PTPRG: variants seen among roughly 807,000 people sequenced by gnomAD.
The protein encoded by PTPRG is receptor-type tyrosine-protein phosphatase gamma.
In PTPRG, 102 loss-of-function variants were observed where a neutral mutation model predicts 165.3. The ratio of observed to expected loss-of-function variants is 0.62; its 90% CI spans 0.53 to 0.73. The LOEUF (loss-of-function observed/expected upper bound fraction) is 0.73. Ranked by LOEUF, PTPRG falls within the 30% of genes least tolerant of loss-of-function variation. The pLI, the probability that PTPRG is intolerant of heterozygous loss-of-function variation, is 0.00. For synonymous variants in PTPRG, 675 were observed against 669.5 expected, an observed-to-expected ratio of 1.01 and a Z score of -0.13; for missense variants, 1,866 against 1,861.4, an observed-to-expected ratio of 1.00 and a Z score of -0.05.
At chr3:61,739,501 A>G (rs1216748402) in intron 1 of PTPRG, among the ~76,000 whole-genome samples, 1 of 152,188 alleles carries the variant, frequency 6.6e-6, no homozygotes, top group Non-Finnish European at 1.5e-5. Flanking sequence ...AGATATTTTT[A>G]TGATGCCTAA....
chr3:61,576,943 G>T (rs1034902664), intron 1 of PTPRG, among the ~76,000 whole-genome samples: 1 of 152,194 alleles, frequency 6.6e-6, no homozygotes, highest in African/African-American at 2.4e-5. Context: ...TATGGCGCTT[G>T]TAGGAGTGTT....
intron 4 of PTPRG, among the ~76,000 whole-genome samples, chr3:62,043,341 T>A (rs138359133): frequency 6.6e-6 from 1 of 152,354 alleles, no homozygotes; most frequent in African/African-American, 2.4e-5. Flanking sequence ...CAAGACTTTT[T>A]AAATCAACAT....
At chr3:62,242,614 G>A (rs1701186258) in intron 14 of PTPRG, among the ~76,000 whole-genome samples, 2 of 152,162 alleles carry the variant, frequency 1.3e-5, no homozygotes, top group East Asian at 3.9e-4. Flanking sequence ...TAACTCTGTG[G>A]TCTCTTCACT....
chr3:61,849,113 C>T (rs866289803), intron 2 of PTPRG, among the ~76,000 whole-genome samples: 1 of 152,180 alleles, frequency 6.6e-6, no homozygotes, highest in Admixed American at 6.5e-5. Context: ...GGGAAACACT[C>T]CAAGTATTCC....
At chr3:61,644,882 A>T (rs1342863215) in intron 1 of PTPRG, among the ~76,000 whole-genome samples, 2 of 152,326 alleles carry the variant, frequency 1.3e-5, no homozygotes, top group South Asian at 2.1e-4. Context: ...CTTAAAGTCA[A>T]ATCCAACAAG....
At chr3:62,164,056 A>G (rs1180563838) in intron 7 of PTPRG, among the ~76,000 whole-genome samples, 2 of 152,228 alleles carry the variant, frequency 1.3e-5, no homozygotes. Flanking sequence ...CTGTTTAGCT[A>G]TTAACCAGAT....
intron 2 of PTPRG, among the ~76,000 whole-genome samples, chr3:61,754,567 A>G (rs2033569834): frequency 6.6e-6 from 1 of 152,090 alleles, no homozygotes; most frequent in African/African-American, 2.4e-5. Context: ...GATTTGGTGC[A>G]TGTTTTTCAA....
chr3:61,595,618 T>C (rs959787465), intron 1 of PTPRG, among the ~76,000 whole-genome samples: 1 of 152,250 alleles, frequency 6.6e-6, no homozygotes, highest in African/African-American at 2.4e-5. Context: ...ATTATATTCA[T>C]AGGCTAGTAG....
intron 1 of PTPRG, among the ~76,000 whole-genome samples, chr3:61,661,834 T>C (rs1291029055): frequency 2.6e-5 from 4 of 152,142 alleles, no homozygotes; most frequent in African/African-American, 4.8e-5. Flanking sequence ...ATGATTTTGA[T>C]TTACAAATAC....
intron 1 of PTPRG, among the ~76,000 whole-genome samples, chr3:61,567,371 G>A (rs1301089199): frequency 6.6e-6 from 1 of 152,094 alleles, no homozygotes; most frequent in East Asian, 1.9e-4. Context: ...GAATGAGGTT[G>A]CCTGTGCAAA....
At chr3:61,865,107 G>C (rs1323481770) in intron 2 of PTPRG, among the ~76,000 whole-genome samples, 1 of 152,170 alleles carries the variant, frequency 6.6e-6, no homozygotes, top group Non-Finnish European at 1.5e-5. Flanking sequence ...GATTAATGGG[G>C]ATGATGGTAT....
intron 1 of PTPRG, among the ~76,000 whole-genome samples, chr3:61,664,922 A>C (rs1289166501): frequency 6.6e-6 from 1 of 152,226 alleles, no homozygotes; most frequent in Non-Finnish European, 1.5e-5. Context: ...GGTTATGTGA[A>C]ATTTAAGGAA....
At chr3:61,768,165 A>G (rs1310355535) in intron 2 of PTPRG, among the ~76,000 whole-genome samples, 1 of 152,170 alleles carries the variant, frequency 6.6e-6, no homozygotes. Context: ...GAATTTGATC[A>G]AGACAGAGAG....
chr3:61,953,197 C>T (rs2039939627), intron 2 of PTPRG, among the ~76,000 whole-genome samples: 1 of 152,168 alleles, frequency 6.6e-6, no homozygotes, highest in African/African-American at 2.4e-5. Context: ...GTTTCAGAAG[C>T]TTAGCTTTAA....
intron 8 of PTPRG, among the ~76,000 whole-genome samples, chr3:62,183,844 G>A (rs578225763): frequency 1.3e-5 from 2 of 152,276 alleles, no homozygotes; most frequent in Admixed American, 6.5e-5. Flanking sequence ...AGAAGGGAAC[G>A]GGAAGGAAGC....
At chr3:62,278,857 C>T (rs1000793367) in intron 26 of PTPRG, among the ~76,000 whole-genome samples, 8 of 152,030 alleles carry the variant, frequency 5.3e-5, no homozygotes, top group Non-Finnish European at 7.4e-5. Flanking sequence ...GTTGTTAAAA[C>T]GTTCATTTGT....
At chr3:62,120,184 G>A (rs554087625) in intron 5 of PTPRG, among the ~76,000 whole-genome samples, 2 of 152,228 alleles carry the variant, frequency 1.3e-5, no homozygotes, top group Non-Finnish European at 2.9e-5. Flanking sequence ...AGAAAGAATT[G>A]GAGGGTACAG....
intron 2 of PTPRG, among the ~76,000 whole-genome samples, chr3:61,758,933 A>C (rs1172992941): frequency 6.6e-6 from 1 of 152,228 alleles, no homozygotes; most frequent in Non-Finnish European, 1.5e-5. Flanking sequence ...TGTTCATTTA[A>C]GCGAAGAAAG....
chr3:61,799,387 T>A (rs2107162854), intron 2 of PTPRG, among the ~76,000 whole-genome samples: 1 of 152,316 alleles, frequency 6.6e-6, no homozygotes, highest in East Asian at 1.9e-4. Flanking sequence ...GATGGCCTTA[T>A]TTCTACCTAA....
Sources: allele counts gnomAD v4.1 joint callset (sites outside exome capture counted in the v4.1 genomes callset), GRCh38; gene constraint gnomAD v4.1.1; transcripts MANE v1.5; gene names NCBI Gene and HGNC (gene_info 2026-07-23, HGNC 2026-07-21).